The following SLC36A1 variants were observed in gnomAD, a reference collection of about 807,000 sequenced individuals.
The protein encoded by SLC36A1 is proton-coupled amino acid transporter 1.
Under a neutral mutation model 47.5 loss-of-function variants are expected in SLC36A1, and 30 were observed. The observed-to-expected ratio is 0.63, with a 90% CI of 0.47 to 0.86. SLC36A1 has a LOEUF of 0.86. SLC36A1 is among the 40% of genes least tolerant of loss of function. The pLI is 0.00. For missense variants in SLC36A1, 517 were observed against 606.0 expected (o/e 0.85, Z 1.54); for synonymous variants, 255 against 249.7 (o/e 1.02, Z -0.20).
the SLC36A1 span, chr5:151,347,226 C>T: frequency 3.0e-5 from 48 of 1,586,972 alleles, no homozygotes; most frequent in Admixed American, 7.2e-4. Flanking sequence ...GACACACCCA[C>T]CTCAGGGTTT....
chr5:151,355,494 C>T, the SLC36A1 span, among the ~76,000 whole-genome samples: 1 of 152,198 alleles, frequency 6.6e-6, no homozygotes, highest in Admixed American at 6.5e-5. Context: ...CTAATAATCT[C>T]TTCTAGAAAT....
chr5:151,486,096 C>T (rs1231619166), intron 10 of SLC36A1, among the ~76,000 whole-genome samples: 1 of 152,190 alleles, frequency 6.6e-6, no homozygotes, highest in African/African-American at 2.4e-5. Flanking sequence ...GCTCATGGCT[C>T]TGCAGGCTGT....
the SLC36A1 span, among the ~76,000 whole-genome samples, chr5:151,499,354 G>A: frequency 6.6e-6 from 1 of 152,170 alleles, no homozygotes; most frequent in Non-Finnish European, 1.5e-5. Context: ...CCAGCACCTG[G>A]GTCTGGCACC....
chr5:151,402,671 A>T, the SLC36A1 span, among the ~76,000 whole-genome samples: 1 of 152,068 alleles, frequency 6.6e-6, no homozygotes, highest in East Asian at 1.9e-4. Context: ...CTAAATGCTG[A>T]TTCAATTTTG....
At chr5:151,420,259 T>C in the SLC36A1 span, among the ~76,000 whole-genome samples, 1 of 152,142 alleles carries the variant, frequency 6.6e-6, no homozygotes, top group African/African-American at 2.4e-5. Context: ...GTGAATAAAA[T>C]AGGCAGGGCT....
At chr5:151,512,934 A>G in the SLC36A1 span, among the ~76,000 whole-genome samples, 1 of 152,192 alleles carries the variant, frequency 6.6e-6, no homozygotes, top group Non-Finnish European at 1.5e-5. The surrounding 1 kb of genome is among the most constrained non-coding windows in gnomAD (Gnocchi z 4.1). Context: ...AGAGTTCCAC[A>G]CTTGTGAATA....
At chr5:151,550,711 T>C in the SLC36A1 span, 1 of 1,614,134 alleles carries the variant, frequency 6.2e-7, no homozygotes, top group Non-Finnish European at 8.5e-7. Context: ...TTGGCTGCCA[T>C]GTATGGTATA....
upstream of SLC36A1, among the ~76,000 whole-genome samples, chr5:151,446,124 T>C (rs1035455903): frequency 2.0e-5 from 3 of 152,238 alleles, no homozygotes; most frequent in African/African-American, 7.2e-5. Flanking sequence ...ACTTCTCTCT[T>C]AGAACTACTT....
the SLC36A1 span, chr5:151,347,632 T>TG: frequency 1.4e-6 from 1 of 690,950 alleles, no homozygotes; most frequent in Non-Finnish European, 2.4e-6. Flanking sequence ...CACCTCTTCC[T>TG]GCCTGGAGAA....
At chr5:151,420,980 C>T in the SLC36A1 span, among the ~76,000 whole-genome samples, 5 of 151,660 alleles carry the variant, frequency 3.3e-5, no homozygotes, top group East Asian at 9.8e-4. Flanking sequence ...ACGCCATTCT[C>T]CTGCCTCAGC....
At chr5:151,397,220 C>T in the SLC36A1 span, among the ~76,000 whole-genome samples, 2 of 152,256 alleles carry the variant, frequency 1.3e-5, no homozygotes, top group African/African-American at 2.4e-5. Flanking sequence ...ACACTTAAAA[C>T]TTCCCACCTC....
chr5:151,453,521 C>T (rs2127458611), intron 1 of SLC36A1, among the ~76,000 whole-genome samples: 2 of 152,060 alleles, frequency 1.3e-5, no homozygotes, highest in African/African-American at 4.8e-5. Flanking sequence ...AATATGTTAC[C>T]ATCTATTGAT....
chr5:151,543,121 G>C, the SLC36A1 span: 5 of 1,614,180 alleles, frequency 3.1e-6, no homozygotes, highest in Non-Finnish European at 3.4e-6. Flanking sequence ...GTTCCAGTGA[G>C]GAGGGCCTCC....
chr5:151,496,408 A>G (rs1760343971), downstream of SLC36A1, among the ~76,000 whole-genome samples: 1 of 152,208 alleles, frequency 6.6e-6, no homozygotes, highest in South Asian at 2.1e-4. Flanking sequence ...ACAGACTAGT[A>G]CGTATGGTAA....
chr5:151,554,691 C>A, the SLC36A1 span: 1 of 1,594,224 alleles, frequency 6.3e-7, no homozygotes, highest in South Asian at 1.1e-5. Context: ...CAGAATTGAG[C>A]ATGAGCACCT....
At chr5:151,416,171 T>C in the SLC36A1 span, among the ~76,000 whole-genome samples, 2 of 152,202 alleles carry the variant, frequency 1.3e-5, no homozygotes. Context: ...AGTCCCCACA[T>C]GCTGCCTGGC....
At position 151,490,685 on chromosome 5, in the gene SLC36A1, C is replaced by G. The variant is rs1760032805; in HGVS notation, c.*2431C>G. 1.3e-5 allele frequency: 2 copies of G among 152,264 alleles called. No individual in the cohort carries two copies. The highest frequency in any genetic ancestry group is 4.1e-4 in the South Asian group (2 of 4,820). 9.4% of individuals were successfully genotyped at this position (152,264 alleles called of 1,614,324 possible). ...TGGCCTATTTGATCTCTGGCTTGTGCTCCTGCTACACTGACAGACTGATTG... is the reference window on the plus strand; with the variant it reads ...TGGCCTATTTGATCTCTGGCTTGTGGTCCTGCTACACTGACAGACTGATTG... On this transcript the variant is annotated 3_prime_UTR_variant, in exon 11 of 11. Coordinates refer to ENST00000243389, the MANE Select transcript of SLC36A1 (RefSeq NM_078483.4).
the SLC36A1 span, among the ~76,000 whole-genome samples, chr5:151,361,737 C>G: frequency 1.3e-5 from 2 of 152,104 alleles, no homozygotes; most frequent in Non-Finnish European, 2.9e-5. Context: ...GCTGAAGAAG[C>G]TGCTTAGTAT....
intron 1 of SLC36A1, among the ~76,000 whole-genome samples, chr5:151,458,410 T>G (rs1163075992): frequency 6.8e-6 from 1 of 147,024 alleles, no homozygotes; most frequent in Non-Finnish European, 1.5e-5. Flanking sequence ...CAGAAAGGAG[T>G]AGATAATCCT....
Sources: gnomAD v4.1 joint callset for allele counts (sites outside exome capture counted in the v4.1 genomes callset) on GRCh38, gnomAD v4.1.1 for gene constraint, Gnocchi (gnomAD v3.1) non-coding constraint, MANE v1.5 for transcripts, NCBI Gene and HGNC (gene_info 2026-07-23, HGNC 2026-07-21) for gene names.